GALNT10: variants seen among roughly 807,000 people sequenced by gnomAD.
GALNT10 encodes GalNAc transferase 10.
Under a neutral mutation model 75.0 loss-of-function variants are expected in GALNT10, and 41 were observed. The observed-to-expected ratio is 0.55, with a 90% CI of 0.43 to 0.71. GALNT10 has a LOEUF of 0.71. Among genes scored for constraint, GALNT10 ranks in the 30% least tolerant of loss-of-function variants. The probability of loss-of-function intolerance (pLI) is 0.00; values close to 1 mark genes in which losing one functional copy is unlikely to be tolerated. For missense variants in GALNT10, 727 were observed against 818.5 expected (o/e 0.89, Z 1.36); for synonymous variants, 302 against 313.0 (o/e 0.96, Z 0.37).
rs542354300 is a variant in GALNT10, at chr5:154,367,510, G to A, written c.569-8767G>A. Among the ~76,000 whole-genome samples, 113 of 152,290 alleles carry A rather than the reference G, an allele frequency of 7.4e-4. No homozygotes were observed. In the South Asian group the frequency reaches 7.7e-3, roughly 10 times the overall value. ...AGGGCACCCAAGCCAGCACCCACCC[G>A]CTCGCAGGTTTGCTGGGGTAGGGGG... On this transcript the variant is annotated intron_variant, in intron 4 of 11. Coordinates refer to ENST00000297107, the MANE Select transcript of GALNT10 (RefSeq NM_198321.4).
In GALNT10 at chr5:154,409,391, C is replaced by A; in HGVS notation, c.1165-150C>A. ...ACATGCATAATGATAAATAGAAACA[C>A]AGAAGGCCTAAACTCACGGTGGGGC... is the stretch of plus-strand genomic sequence containing the variant. On this transcript the variant is annotated intron_variant, in intron 8 of 11. Coordinates refer to ENST00000297107, the MANE Select transcript of GALNT10 (RefSeq NM_198321.4). This position sits in a 1 kb window ranked among gnomAD's most constrained non-coding sequence, Gnocchi z 4.5. The A allele has an allele frequency of 1.4e-6, 1 of 714,850 alleles. No homozygotes were observed. 44.3% of individuals were successfully genotyped at this position (714,850 alleles called of 1,614,324 possible). A position where few individuals can be genotyped will look rare whatever the true frequency, so the allele number is the denominator to read the frequency against.
At chr5:154,239,988 AT>A (rs1753306614) in intron 1 of GALNT10, among the ~76,000 whole-genome samples, 1 of 152,232 alleles carries the variant, frequency 6.6e-6, no homozygotes, top group African/African-American at 2.4e-5. Flanking sequence ...AAGAAGAGAC[AT>A]TTGGGACTTG....
Position 154,298,539 on chromosome 5 carries a change from G to C in GALNT10, c.401+460G>C, listed in dbSNP as rs142960550. ...ACAACAATGGCATCTAACATTCTTT[G>C]AACCGGTACTATGTGCCAAACGCTT... is the stretch of plus-strand genomic sequence containing the variant. On this transcript the variant is annotated intron_variant, in intron 3 of 11. Transcript: ENST00000297107. The surrounding 1 kb of genome is among the most constrained non-coding windows in gnomAD (Gnocchi z 4.1). Among the ~76,000 whole-genome samples the C allele has an allele frequency of 9.2e-5, 14 of 152,270 alleles. No individual in the cohort carries two copies. In the East Asian group the frequency reaches 2.7e-3, roughly 29 times the overall value.
chr5:154,400,138 G>A (rs1024453152), intron 7 of GALNT10, among the ~76,000 whole-genome samples: 15 of 152,146 alleles, frequency 9.9e-5, no homozygotes, highest in East Asian at 3.9e-4. Flanking sequence ...ACCCTGTCTC[G>A]AAAAGAAATA....
intron 1 of GALNT10, among the ~76,000 whole-genome samples, chr5:154,196,801 G>A (rs752034148): frequency 2.8e-4 from 42 of 152,256 alleles, no homozygotes; most frequent in African/African-American, 8.9e-4. Flanking sequence ...TTGACTTAAC[G>A]TACCCTAGAG....
intron 1 of GALNT10, among the ~76,000 whole-genome samples, chr5:154,255,519 C>T (rs1423342779): frequency 1.3e-5 from 2 of 152,150 alleles, no homozygotes; most frequent in Non-Finnish European, 2.9e-5. Flanking sequence ...ATTATCTCTA[C>T]TGTTGGTCAA....
intron 1 of GALNT10, among the ~76,000 whole-genome samples, chr5:154,240,251 G>T (rs917032344): frequency 3.3e-5 from 5 of 152,160 alleles, no homozygotes; most frequent in Non-Finnish European, 5.9e-5. Context: ...TTGACCTTGG[G>T]CAAATCTCTT....
intron 1 of GALNT10, among the ~76,000 whole-genome samples, chr5:154,273,118 C>G (rs1166114410): frequency 6.6e-6 from 1 of 152,140 alleles, no homozygotes; most frequent in African/African-American, 2.4e-5. Flanking sequence ...GAGAGGTTAA[C>G]ACTGCACTCA....
chr5:154,375,210 C>G (rs1191449878), intron 4 of GALNT10, among the ~76,000 whole-genome samples: 1 of 152,188 alleles, frequency 6.6e-6, no homozygotes, highest in Non-Finnish European at 1.5e-5. Flanking sequence ...ACCAGTTACA[C>G]TGGCTAGGAA....
intron 4 of GALNT10, among the ~76,000 whole-genome samples, chr5:154,342,910 A>C (rs57854183): frequency 0.05 from 7,622 of 152,286 alleles, 493 homozygotes; most frequent in African/African-American, 0.15. Flanking sequence ...GGATGATCAG[A>C]TACACTCAGC....
At chr5:154,342,985 C>T (rs1444185512) in intron 4 of GALNT10, among the ~76,000 whole-genome samples, 1 of 152,144 alleles carries the variant, frequency 6.6e-6, no homozygotes, top group Non-Finnish European at 1.5e-5. Context: ...TTTTCAGTTG[C>T]CACGTGTGTT....
chr5:154,270,123 A>G (rs552987092), intron 1 of GALNT10, among the ~76,000 whole-genome samples: 36 of 151,988 alleles, frequency 2.4e-4, no homozygotes, highest in Admixed American at 2.1e-3. Flanking sequence ...GTGTGACTAT[A>G]CTTGATAAAT....
At chr5:154,305,739 C>T (rs1214978223) in intron 3 of GALNT10, among the ~76,000 whole-genome samples, 7 of 152,200 alleles carry the variant, frequency 4.6e-5, no homozygotes, top group East Asian at 3.9e-4. Flanking sequence ...AAGGAGAGGC[C>T]GGGCACAGTG....
At chr5:154,371,872 C>G (rs1755576411) in intron 4 of GALNT10, among the ~76,000 whole-genome samples, 3 of 152,126 alleles carry the variant, frequency 2.0e-5, no homozygotes, top group Non-Finnish European at 4.4e-5. Context: ...AAGAGTTACA[C>G]AAGTTGAAGT....
At chr5:154,241,556 C>T (rs1396538937) in intron 1 of GALNT10, among the ~76,000 whole-genome samples, 1 of 151,630 alleles carries the variant, frequency 6.6e-6, no homozygotes, top group Non-Finnish European at 1.5e-5. Context: ...TGTATCAAAA[C>T]ATCACATTGT....
chr5:154,414,496 T>C (rs1756465180), intron 10 of GALNT10, among the ~76,000 whole-genome samples: 1 of 152,218 alleles, frequency 6.6e-6, no homozygotes, highest in Admixed American at 6.5e-5. Flanking sequence ...ATACATACTG[T>C]ATGATTCCTT....
intron 4 of GALNT10, among the ~76,000 whole-genome samples, chr5:154,346,747 G>C (rs908732309): frequency 3.3e-5 from 5 of 152,032 alleles, no homozygotes; most frequent in Admixed American, 3.3e-4. Flanking sequence ...CTAAATGGAA[G>C]ATTTAAACCT....
intron 6 of GALNT10, among the ~76,000 whole-genome samples, chr5:154,384,055 C>T (rs2113182466): frequency 6.6e-6 from 1 of 152,218 alleles, no homozygotes; most frequent in African/African-American, 2.4e-5. Context: ...GAAAAAGCCC[C>T]TTATAAAACC....
At position 154,213,420 on chromosome 5, in the gene GALNT10, G is replaced by A. The variant is rs540157975; in HGVS notation, c.159+22395G>A. Among the ~76,000 whole-genome samples, 4 of 152,286 alleles carry A rather than the reference G, an allele frequency of 2.6e-5. No homozygotes were observed. In the South Asian group the frequency reaches 8.3e-4, roughly 32 times the overall value. On this transcript the variant is annotated intron_variant, in intron 1 of 11. Coordinates refer to ENST00000297107, the MANE Select transcript of GALNT10 (RefSeq NM_198321.4). ...ATATCAATGCTTTGAGGGATGCCTG[G>A]CCATTCCCCTCTCTGTATAGGCACA...
Sources: allele counts gnomAD v4.1 joint callset (sites outside exome capture counted in the v4.1 genomes callset), GRCh38; gene constraint gnomAD v4.1.1; non-coding constraint Gnocchi (gnomAD v3.1); transcripts MANE v1.5; gene names NCBI Gene and HGNC (gene_info 2026-07-23, HGNC 2026-07-21).